The following DDIAS variants were observed in gnomAD, a reference collection of about 807,000 sequenced individuals.
DDIAS encodes DNA damage induced apoptosis suppressor, also known as DNA damage-induced apoptosis suppressor protein.
In DDIAS, 14 loss-of-function variants were observed where a neutral mutation model predicts 15.7. That is an observed-to-expected ratio of 0.89 (90% CI 0.59 to 1.39). The LOEUF (loss-of-function observed/expected upper bound fraction) is 1.39. DDIAS is among the 40% of genes most tolerant of loss of function. The pLI is 0.00. For synonymous variants in DDIAS, 355 were observed against 395.9 expected, an observed-to-expected ratio of 0.90 and a Z score of 1.23; for missense variants, 1,035 against 1,130.9, an observed-to-expected ratio of 0.92 and a Z score of 1.22.
At chr11:82,918,444 T>C (rs1860676307) in intron 3 of DDIAS, among the ~76,000 whole-genome samples, 1 of 152,234 alleles carries the variant, frequency 6.6e-6, no homozygotes, top group Non-Finnish European at 1.5e-5. Flanking sequence ...TATGTGCCTA[T>C]TTTTATACCA....
At chr11:82,920,780 G>A (rs778384956) in intron 3 of DDIAS, among the ~76,000 whole-genome samples, 38 of 152,160 alleles carry the variant, frequency 2.5e-4, no homozygotes, top group South Asian at 2.1e-4. Flanking sequence ...ATTAAGGCTT[G>A]TTTTCTGGCT....
intron 1 of DDIAS, among the ~76,000 whole-genome samples, chr11:82,910,481 G>T (rs1319182152): frequency 6.6e-6 from 1 of 151,912 alleles, no homozygotes; most frequent in African/African-American, 2.4e-5. Flanking sequence ...ATTTTGGTGA[G>T]ACTGATCTCA....
chr11:82,932,793 A>T lies in DDIAS; in HGVS notation c.1455A>T (p.Ile485=). 6.2e-7 allele frequency: 1 copy of T among 1,613,900 alleles called. No individual in the cohort carries two copies. The highest frequency in any genetic ancestry group is 8.5e-7 in the Non-Finnish European group (1 of 1,180,032). ...PPIALRSSQV[I]VKANCSKDDF... ...TAGCTTTAAGATCATCACAAGTAAT[A>T]GTCAAAGCAAACTGTAGCAAAGATG... The change falls in exon 6 of 6, where the codon ATA becomes ATT. Residue 485 remains isoleucine (I), a synonymous_variant. Coordinates refer to ENST00000533655, the MANE Select transcript of DDIAS (RefSeq NM_145018.4).
rs2121365319 is a variant in DDIAS, at chr11:82,929,978, T to C, written c.276-179T>C. ...TTACTCCCACTTGATCAATTGGTTT[T>C]GTTGATTTTTCTGTGCTATGAGAAA... On this transcript the variant is annotated intron_variant, in intron 4 of 5. Coordinates refer to ENST00000533655, the MANE Select transcript of DDIAS (RefSeq NM_145018.4). 1.3e-5 allele frequency among the ~76,000 whole-genome samples: 2 copies of C among 152,318 alleles called. 1 individual carries two copies. Among genetic ancestry groups the C allele is most frequent in the South Asian group, 4.1e-4 (2 of 4,828 alleles).
intron 3 of DDIAS, among the ~76,000 whole-genome samples, chr11:82,928,262 G>A (rs112278938): frequency 0.02 from 2,565 of 126,194 alleles, 91 homozygotes; most frequent in African/African-American, 0.073. Flanking sequence ...GCAGTGGTGC[G>A]ATCTTGGCTG....
intron 3 of DDIAS, among the ~76,000 whole-genome samples, chr11:82,923,815 TA>T (rs748099622): frequency 1.2e-4 from 18 of 151,228 alleles, no homozygotes; most frequent in Non-Finnish European, 1.8e-4. Flanking sequence ...CATACATCTA[TA>T]AAAAAAAATG....
chr11:82,911,361 T>C (rs1465181033), intron 1 of DDIAS, among the ~76,000 whole-genome samples: 1 of 152,232 alleles, frequency 6.6e-6, no homozygotes, highest in African/African-American at 2.4e-5. Context: ...TCAACTAAGC[T>C]TATGGAATAT....
intron 3 of DDIAS, among the ~76,000 whole-genome samples, chr11:82,925,489 T>C (rs1179430962): frequency 6.6e-6 from 1 of 152,162 alleles, no homozygotes; most frequent in Admixed American, 6.5e-5. Context: ...TCCCAGCTAC[T>C]CAGAAGGCTG....
chr11:82,927,366 A>G (rs928893280), intron 3 of DDIAS, among the ~76,000 whole-genome samples: 3 of 152,078 alleles, frequency 2.0e-5, no homozygotes, highest in South Asian at 2.1e-4. Context: ...ATAGGATTAT[A>G]TGAATGGGTT....
chr11:82,903,795 T>G (rs950290990), intron 1 of DDIAS, among the ~76,000 whole-genome samples: 11 of 152,154 alleles, frequency 7.2e-5, no homozygotes, highest in Admixed American at 5.2e-4. Flanking sequence ...CTGTAAAATA[T>G]GAAACAGAAA....
chr11:82,921,467 A>G (rs1309361292), intron 3 of DDIAS, among the ~76,000 whole-genome samples: 1 of 146,156 alleles, frequency 6.8e-6, no homozygotes, highest in East Asian at 2.0e-4. Flanking sequence ...TTTTTGTTTT[A>G]TAGGTCCTTC....
chr11:82,910,592 TTC>T lies in DDIAS; in HGVS notation c.-116-2681_-116-2680del, dbSNP rs201976654. On this transcript the variant is annotated intron_variant, in intron 1 of 5. Transcript: ENST00000533655. ...TGCCACAGATCAAGCTTTTAATTTT[TTC>T]TCTCTCTCTCTCTTTTTTTTTTTTT... Among the ~76,000 whole-genome samples the T allele has an allele frequency of 1.2e-3, 166 of 139,378 alleles. 2 individuals carry two copies. The East Asian group carries it at 0.028, about 24-fold the overall frequency. The allele number at this position is 139,378 out of a possible 152,430, so 91.4% of individuals were successfully genotyped here.
Position 82,934,421 on chromosome 11 carries a change from T to A in DDIAS, c.*86T>A, listed in dbSNP as rs1861077635. The A allele has an allele frequency of 7.3e-7, 1 of 1,368,410 alleles. No individual in the cohort carries two copies. The highest frequency in any genetic ancestry group is 9.9e-7 in the Non-Finnish European group (1 of 1,012,570). The allele number at this position is 1,368,410 out of a possible 1,614,324, so 84.8% of individuals were successfully genotyped here. On this transcript the variant is annotated 3_prime_UTR_variant, in exon 6 of 6. Coordinates refer to ENST00000533655, the MANE Select transcript of DDIAS (RefSeq NM_145018.4). ...GGTACGGAAAGCATTCTTTACATTT[T>A]GAACACTTGGAGAGAAGCAAATTGA...
Position 82,932,818 on chromosome 11 carries a change from G to T in DDIAS, c.1480G>T (p.Asp494Tyr), listed in dbSNP as rs1861027893. The change falls in exon 6 of 6, where the codon GAC (aspartate) becomes TAC (tyrosine). Residue 494 changes from aspartate (D) to tyrosine (Y), a missense_variant. Transcript: ENST00000533655. ...VIVKANCSKD[D>Y]FLFNCKGNLS... The stretch of plus-strand genomic sequence containing the variant: ...AGTCAAAGCAAACTGTAGCAAAGAT[G>T]ACTTCCTTTTCAACTGTAAAGGAAA... 1 of 1,613,516 alleles carries T rather than the reference G, an allele frequency of 6.2e-7. No homozygotes were observed. Among genetic ancestry groups the T allele is most frequent in the Non-Finnish European group, 8.5e-7 (1 of 1,180,008 alleles).
chr11:82,923,020 GCA>G lies in DDIAS; in HGVS notation c.114-5754_114-5753del, dbSNP rs1265378834. On this transcript the variant is annotated intron_variant, in intron 3 of 5. Coordinates refer to ENST00000533655, the MANE Select transcript of DDIAS (RefSeq NM_145018.4). Reference sequence around the variant, plus strand: ...CCGGGGTGGTATTCAGGGTTTGTCTGCACAGAGTCCTGTGATGTGAATCGTTT... The same window carrying G: ...CCGGGGTGGTATTCAGGGTTTGTCTGCAGAGTCCTGTGATGTGAATCGTTT... Among the ~76,000 whole-genome samples the G allele has an allele frequency of 3.3e-5, 5 of 152,210 alleles. No individual in the cohort carries two copies. In the East Asian group the frequency reaches 9.6e-4, roughly 29 times the overall value.
At chr11:82,928,469 G>C (rs1274116132) in intron 3 of DDIAS, among the ~76,000 whole-genome samples, 1 of 151,898 alleles carries the variant, frequency 6.6e-6, no homozygotes, top group African/African-American at 2.4e-5. Flanking sequence ...AAAGTGCTGG[G>C]ATTACAGGTG....
At chr11:82,919,830 G>A (rs370269317) in intron 3 of DDIAS, among the ~76,000 whole-genome samples, 8 of 151,966 alleles carry the variant, frequency 5.3e-5, no homozygotes, top group African/African-American at 1.5e-4. Context: ...CTCTCTTCAC[G>A]CCATTCTGCC....
At chr11:82,919,956 C>G (rs1860711949) in intron 3 of DDIAS, among the ~76,000 whole-genome samples, 1 of 152,204 alleles carries the variant, frequency 6.6e-6, no homozygotes, top group Non-Finnish European at 1.5e-5. Context: ...ATCTCCTAAC[C>G]TCATGATCCG....
At chr11:82,925,363 G>A (rs766029829) in intron 3 of DDIAS, among the ~76,000 whole-genome samples, 2 of 152,220 alleles carry the variant, frequency 1.3e-5, no homozygotes, top group East Asian at 1.9e-4. Context: ...CTGGGAGGCC[G>A]AAACAAGAGA....
Sources: gnomAD v4.1 joint callset for allele counts (sites outside exome capture counted in the v4.1 genomes callset) on GRCh38, gnomAD v4.1.1 for gene constraint, MANE v1.5 for transcripts, NCBI Gene and HGNC (gene_info 2026-07-23, HGNC 2026-07-21) for gene names.